The following LRRC4C variants were observed in gnomAD, a reference collection of about 807,000 sequenced individuals.
LRRC4C encodes leucine-rich repeat-containing protein 4C.
LRRC4C carries 5 observed loss-of-function variants against 33.6 expected under a neutral mutation model. The observed-to-expected ratio is 0.15, with a 90% CI of 0.08 to 0.31. The LOEUF is 0.31. LRRC4C is among the 10% of genes least tolerant of loss of function. The pLI is 1.00. For synonymous variants in LRRC4C, 329 were observed against 302.0 expected (o/e 1.09, Z -0.93); for missense variants, 560 against 796.7 (o/e 0.70, Z 3.58).
chr11:40,393,318 G>T (rs967763423), intron 3 of LRRC4C, among the ~76,000 whole-genome samples: 1 of 152,044 alleles, frequency 6.6e-6, no homozygotes, highest in Non-Finnish European at 1.5e-5. Flanking sequence ...TTTTAGATAA[G>T]ATTTAGGTAG....
At chr11:40,337,702 A>G (rs1486897671) in intron 3 of LRRC4C, among the ~76,000 whole-genome samples, 1 of 152,194 alleles carries the variant, frequency 6.6e-6, no homozygotes, top group East Asian at 1.9e-4. Flanking sequence ...TTTAAATTCA[A>G]GGCCACACGT....
chr11:40,746,121 G>T (rs1035052770), intron 2 of LRRC4C, among the ~76,000 whole-genome samples: 1 of 152,148 alleles, frequency 6.6e-6, no homozygotes, highest in Non-Finnish European at 1.5e-5. Flanking sequence ...AGCTGAAAGA[G>T]GGTCCCCAAC....
At chr11:40,896,339 C>A (rs1274990976) in intron 2 of LRRC4C, among the ~76,000 whole-genome samples, 3 of 152,140 alleles carry the variant, frequency 2.0e-5, no homozygotes, top group African/African-American at 7.2e-5. Context: ...ACACACATGG[C>A]ATTACCTTGA....
chr11:40,898,353 C>CAAAAAAAAAAAAAAAAAAAAAA lies in LRRC4C; in HGVS notation c.-407+35281_-407+35282insTTTTTTTTTTTTTTTTTTTTTT, dbSNP rs765252333. On this transcript the variant is annotated intron_variant, in intron 2 of 6. Transcript: ENST00000528697. ...GGGCAACAAGAGTGAAACTCCATCT[C>CAAAAAAAAAAAAAAAAAAAAAA]AAAAAAAAAAAAAAAAAAAGAAAAA... 8.1e-4 allele frequency among the ~76,000 whole-genome samples: 31 copies of CAAAAAAAAAAAAAAAAAAAAAA among 38,338 alleles called. 3 individuals carry two copies. The highest frequency in any genetic ancestry group is 2.2e-3 in the African/African-American group (21 of 9,582). 25.2% of individuals were successfully genotyped at this position (38,338 alleles called of 152,430 possible).
rs573939583 is a variant in LRRC4C at position 40,215,312 on chromosome 11, A to C, written c.-96+26207T>G. Among the ~76,000 whole-genome samples, 12 of 152,298 alleles carry C rather than the reference A, an allele frequency of 7.9e-5. No homozygotes were observed. In the South Asian group the frequency reaches 2.5e-3, roughly 32 times the overall value. On this transcript the variant is annotated intron_variant, in intron 5 of 6. Transcript: ENST00000528697. ...AGAGGTACTAAGCTAATCAGTAGCA[A>C]AGGCAAAGTGCAAAGTTTCCTGAAC...
At chr11:40,894,724 CA>C (rs2136135915) in intron 2 of LRRC4C, among the ~76,000 whole-genome samples, 1 of 152,178 alleles carries the variant, frequency 6.6e-6, no homozygotes, top group South Asian at 2.1e-4. Context: ...CAGTTTCTGC[CA>C]ATGGATATTT....
chr11:40,298,031 C>T (rs1239778840), intron 4 of LRRC4C, among the ~76,000 whole-genome samples: 1 of 152,168 alleles, frequency 6.6e-6, no homozygotes, highest in South Asian at 2.1e-4. Context: ...ATGCTTTGTA[C>T]ACCGTTGAGT....
At chr11:41,310,974 A>G (rs1258895603) in intron 1 of LRRC4C, among the ~76,000 whole-genome samples, 6 of 152,220 alleles carry the variant, frequency 3.9e-5, no homozygotes, top group Non-Finnish European at 7.3e-5. Context: ...ACAAAGCACA[A>G]CCTTCACACA....
At chr11:40,161,979 G>A (rs555798224) in intron 5 of LRRC4C, among the ~76,000 whole-genome samples, 5 of 152,118 alleles carry the variant, frequency 3.3e-5, no homozygotes, top group Non-Finnish European at 7.3e-5. Context: ...ATTTCTCACA[G>A]TCCTGGAGGC....
At chr11:40,905,703 G>C (rs944356566) in intron 2 of LRRC4C, among the ~76,000 whole-genome samples, 3 of 152,174 alleles carry the variant, frequency 2.0e-5, no homozygotes, top group Non-Finnish European at 4.4e-5. Context: ...TCCCAGGTGG[G>C]GGCAGTGGCC....
chr11:41,183,977 A>G (rs1440730414), intron 1 of LRRC4C, among the ~76,000 whole-genome samples: 1 of 152,192 alleles, frequency 6.6e-6, no homozygotes, highest in Non-Finnish European at 1.5e-5. Flanking sequence ...CTTTGAAGCA[A>G]CAGCCCAAGC....
intron 1 of LRRC4C, among the ~76,000 whole-genome samples, chr11:41,285,751 A>C (rs972956269): frequency 6.6e-6 from 1 of 152,136 alleles, no homozygotes; most frequent in Non-Finnish European, 1.5e-5. Context: ...AAAAGACTAA[A>C]TTATGCAACT....
intron 3 of LRRC4C, among the ~76,000 whole-genome samples, chr11:40,344,065 A>G (rs1315913424): frequency 6.6e-6 from 1 of 152,174 alleles, no homozygotes; most frequent in African/African-American, 2.4e-5. Flanking sequence ...AAATTCTACT[A>G]GATGTATAAA....
At chr11:41,242,383 C>T (rs1315553095) in intron 1 of LRRC4C, among the ~76,000 whole-genome samples, 1 of 152,116 alleles carries the variant, frequency 6.6e-6, no homozygotes, top group Non-Finnish European at 1.5e-5. Flanking sequence ...GAGATAATCA[C>T]ACCCATTTGT....
chr11:40,695,639 G>A (rs897751113), intron 2 of LRRC4C, among the ~76,000 whole-genome samples: 8 of 152,094 alleles, frequency 5.3e-5, no homozygotes, highest in East Asian at 1.9e-4. Flanking sequence ...CCTGTTTGGC[G>A]TCTGTAGGGG....
intron 1 of LRRC4C, among the ~76,000 whole-genome samples, chr11:41,242,277 T>G (rs1948283060): frequency 6.6e-6 from 1 of 152,086 alleles, no homozygotes; most frequent in Admixed American, 6.5e-5. Context: ...GACAACCACG[T>G]TTTCAAAGCA....
intron 1 of LRRC4C, among the ~76,000 whole-genome samples, chr11:41,175,872 C>A (rs1945174546): frequency 6.6e-6 from 1 of 152,156 alleles, no homozygotes; most frequent in African/African-American, 2.4e-5. Context: ...CCTACATGTT[C>A]TCTTTCTGAC....
chr11:40,635,584 C>A (rs1198342161), intron 3 of LRRC4C, among the ~76,000 whole-genome samples: 2 of 149,690 alleles, frequency 1.3e-5, no homozygotes, highest in Non-Finnish European at 3.0e-5. Flanking sequence ...GAAGAAAAAG[C>A]TATATAAAGA....
chr11:40,365,467 C>A (rs1274849896), intron 3 of LRRC4C, among the ~76,000 whole-genome samples: 1 of 151,948 alleles, frequency 6.6e-6, no homozygotes, highest in Non-Finnish European at 1.5e-5. Flanking sequence ...TTAAGTTCTG[C>A]CGGTTTTTTT....
Sources: allele counts gnomAD v4.1 joint callset (sites outside exome capture counted in the v4.1 genomes callset), GRCh38; gene constraint gnomAD v4.1.1; transcripts MANE v1.5; gene names NCBI Gene and HGNC (gene_info 2026-07-23, HGNC 2026-07-21).